PGAP2: variants seen among roughly 807,000 people sequenced by gnomAD.
The protein encoded by PGAP2 is acyltransferase PGAP2.
A neutral mutation model predicts 33.2 loss-of-function variants in PGAP2; 21 were observed. The observed-to-expected ratio is 0.63, with a 90% CI of 0.45 to 0.91. PGAP2 has a LOEUF of 0.91. PGAP2 is among the 40% of genes least tolerant of loss of function. The pLI is 0.00. For synonymous variants in PGAP2, 161 were observed against 172.9 expected (o/e 0.93, Z 0.54); for missense variants, 345 against 424.0 (o/e 0.81, Z 1.64).
chr11:3,802,822 GTTTC>G (rs2083643582), intron 1 of PGAP2, among the ~76,000 whole-genome samples: 1 of 105,774 alleles, frequency 9.5e-6, no homozygotes. Context: ...ATTTTGTTTT[GTTTC>G]TTTTTTTTTT....
At chr11:3,823,664 C>T (rs771495030) in intron 3 of PGAP2, 4 of 1,552,546 alleles carry the variant, frequency 2.6e-6, no homozygotes, top group Non-Finnish European at 2.6e-6. Flanking sequence ...TGCTGCTGCA[C>T]AAATCCCAGG....
Position 3,825,750 on chromosome 11 carries a change from G to T in PGAP2, c.*292G>T, listed in dbSNP as rs1215543773. The T allele has an allele frequency of 3.5e-6, 1 of 284,974 alleles. No homozygotes were observed. Among genetic ancestry groups the T allele is most frequent in the Non-Finnish European group, 6.7e-6 (1 of 149,436 alleles). The allele number at this position is 284,974 out of a possible 1,614,324, so 17.7% of individuals were successfully genotyped here. ...AAAAAAAAAACGTCCTGAGGTTCAT[G>T]ACCACCATCCAGTTTCTGGCCTTTA... On this transcript the variant is annotated 3_prime_UTR_variant, in exon 7 of 7. Transcript: ENST00000278243.
In PGAP2 at chr11:3,825,139, G is replaced by A; in HGVS notation, c.817+11G>A. On this transcript the variant is annotated intron_variant, in intron 6 of 6. Transcript: ENST00000278243. ...ATTGTGAGGCTGGAGGTGAGGCCAG[G>A]ATAGGATCCACAGGCGGTCATGAGT... 1 of 1,613,806 alleles carries A rather than the reference G, an allele frequency of 6.2e-7. No homozygotes were observed. The highest frequency in any genetic ancestry group is 8.5e-7 in the Non-Finnish European group (1 of 1,179,686).
Position 3,808,604 on chromosome 11 carries a change from C to T in PGAP2, c.-58C>T. The T allele has an allele frequency of 1.5e-6, 2 of 1,332,356 alleles. No individual in the cohort carries two copies. The highest frequency in any genetic ancestry group is 9.6e-7 in the Non-Finnish European group (1 of 1,041,036). 82.5% of individuals were successfully genotyped at this position (1,332,356 alleles called of 1,614,324 possible). On this transcript the variant is annotated 5_prime_UTR_variant, in exon 1 of 7. Coordinates refer to ENST00000278243, the MANE Select transcript of PGAP2 (RefSeq NM_014489.4). Reference sequence around the variant, plus strand: ...CGCAGAGCCAGCCCCCGACCCCGGGCCACCTGGGCCCCCGGGTTCCGCCGG... The same window carrying T: ...CGCAGAGCCAGCCCCCGACCCCGGGTCACCTGGGCCCCCGGGTTCCGCCGG...
At chr11:3,821,265 G>T (rs185877421) in intron 3 of PGAP2, among the ~76,000 whole-genome samples, 73 of 152,328 alleles carry the variant, frequency 4.8e-4, no homozygotes, top group Admixed American at 1.4e-3. Flanking sequence ...CAGCAGTCTG[G>T]CATCTCATTG....
At chr11:3,824,169 G>T (rs2089542913) in intron 4 of PGAP2, 34 bp downstream of exon 4, 2 of 1,613,242 alleles carry the variant, frequency 1.2e-6, no homozygotes, top group Non-Finnish European at 8.5e-7. Flanking sequence ...GTGGGGAAGT[G>T]TTCCCTGAGG....
upstream of PGAP2, among the ~76,000 whole-genome samples, chr11:3,804,456 A>C (rs1052138522): frequency 5.3e-5 from 8 of 152,076 alleles, no homozygotes; most frequent in African/African-American, 1.7e-4. Flanking sequence ...CAGGAAGGAC[A>C]CTGATTTTCC....
chr11:3,804,917 G>A (rs2084060833), upstream of PGAP2, among the ~76,000 whole-genome samples: 2 of 152,200 alleles, frequency 1.3e-5, no homozygotes, highest in African/African-American at 4.8e-5. Flanking sequence ...GGCCAGACTG[G>A]TCTCGAACTC....
chr11:3,813,497 C>T (rs1590238129), intron 2 of PGAP2, among the ~76,000 whole-genome samples: 1 of 152,308 alleles, frequency 6.6e-6, no homozygotes, highest in South Asian at 2.1e-4. Context: ...AATCCTCCTG[C>T]CTCAGCCTCC....
intron 1 of PGAP2, chr11:3,798,159 T>G: frequency 2.1e-6 from 3 of 1,415,294 alleles, no homozygotes; most frequent in East Asian, 2.7e-5. Flanking sequence ...CCTGACCCTA[T>G]TCTCTCCTGA....
intron 5 of PGAP2, 125 bp from the exon 6 acceptor site, chr11:3,824,895 C>T (rs1167892744): frequency 1.3e-6 from 2 of 1,501,702 alleles, no homozygotes; most frequent in Admixed American, 2.4e-5. Flanking sequence ...GCCTGTGCTC[C>T]CTTCCATGAC....
chr11:3,802,877 A>T (rs1196090621), intron 1 of PGAP2, among the ~76,000 whole-genome samples: 1 of 143,844 alleles, frequency 7.0e-6, no homozygotes. Context: ...CCTAGGCTGG[A>T]GTGCAGTGGC....
At chr11:3,820,879 T>A (rs938484058) in intron 3 of PGAP2, among the ~76,000 whole-genome samples, 2 of 152,200 alleles carry the variant, frequency 1.3e-5, no homozygotes, top group African/African-American at 4.8e-5. Flanking sequence ...GGTGGTGTTA[T>A]ACCCATTTTA....
intron 3 of PGAP2, chr11:3,817,781 T>C: frequency 1.5e-6 from 1 of 645,926 alleles, no homozygotes; most frequent in Non-Finnish European, 2.9e-6. Context: ...GCGCAGTGGC[T>C]CATACCTGTA....
chr11:3,815,524 G>A (rs2086821893), intron 2 of PGAP2, among the ~76,000 whole-genome samples: 1 of 152,084 alleles, frequency 6.6e-6, no homozygotes, highest in Admixed American at 6.6e-5. Context: ...TACCCAGGCT[G>A]GTCTCGAACT....
At chr11:3,797,992 C>T in intron 1 of PGAP2, 1 of 1,540,070 alleles carries the variant, frequency 6.5e-7, no homozygotes, top group South Asian at 1.2e-5. Flanking sequence ...GGTAACTATT[C>T]GACCCTTTCC....
At position 3,825,856 on chromosome 11, in the gene PGAP2, G is replaced by T. The variant is rs947386736; in HGVS notation, c.*398G>T. On this transcript the variant is annotated 3_prime_UTR_variant, in exon 7 of 7. Transcript: ENST00000278243. ...ACCACAGCCATTTCTCTGCACGGGG[G>T]TCATTCATAGGACTAATGTATTTCA... 6.6e-5 allele frequency: 13 copies of T among 195,752 alleles called. No homozygotes were observed. Among genetic ancestry groups the T allele is most frequent in the Non-Finnish European group, 1.3e-4 (12 of 93,068 alleles). The allele number at this position is 195,752 out of a possible 1,614,324, so 12.1% of individuals were successfully genotyped here.
intron 2 of PGAP2, among the ~76,000 whole-genome samples, chr11:3,816,594 G>T (rs1405190210): frequency 6.6e-6 from 1 of 152,150 alleles, no homozygotes. Flanking sequence ...CCCAAACCTT[G>T]GATTGGGTGA....
At chr11:3,804,220 G>A (rs761089782), upstream of PGAP2, among the ~76,000 whole-genome samples, 2 of 151,982 alleles carry the variant, frequency 1.3e-5, no homozygotes, top group African/African-American at 2.4e-5. Context: ...ATACCTTTAC[G>A]GAAGGATAGA....
Sources: gnomAD v4.1 joint callset for allele counts (sites outside exome capture counted in the v4.1 genomes callset) on GRCh38, gnomAD v4.1.1 for gene constraint, MANE v1.5 for transcripts, NCBI Gene and HGNC (gene_info 2026-07-23, HGNC 2026-07-21) for gene names.